The following CLVS1 variants were observed in gnomAD, a reference collection of about 807,000 sequenced individuals.
The protein encoded by CLVS1 is clavesin 1, also known as clavesin-1.
In CLVS1, 10 loss-of-function variants were observed where a neutral mutation model predicts 33.1. The ratio of observed to expected loss-of-function variants is 0.30; its 90% CI spans 0.19 to 0.51. The LOEUF is 0.51. CLVS1 is among the 20% of genes least tolerant of loss of function. The probability of loss-of-function intolerance (pLI) is 0.97; values close to 1 mark genes in which losing one functional copy is unlikely to be tolerated. For synonymous variants in CLVS1, 163 were observed against 166.1 expected (o/e 0.98, Z 0.14); for missense variants, 343 against 433.4 (o/e 0.79, Z 1.85).
intron 2 of CLVS1, among the ~76,000 whole-genome samples, chr8:61,194,161 C>G (rs67925868): frequency 0.17 from 25,114 of 151,836 alleles, 3,221 homozygotes; most frequent in African/African-American, 0.36. Flanking sequence ...GCAAACACCA[C>G]AAATGGATAG....
At chr8:60,995,818 A>T in the CLVS1 span, among the ~76,000 whole-genome samples, 5 of 152,262 alleles carry the variant, frequency 3.3e-5, no homozygotes, top group Non-Finnish European at 5.9e-5. Context: ...GACACCATGG[A>T]ATACTATGAA....
chr8:61,046,407 T>C, the CLVS1 span, among the ~76,000 whole-genome samples: 1 of 146,858 alleles, frequency 6.8e-6, no homozygotes, highest in Non-Finnish European at 1.5e-5. Flanking sequence ...TAGTATAGTT[T>C]GAAGTCAGGT....
the CLVS1 span, among the ~76,000 whole-genome samples, chr8:61,007,728 G>C: frequency 6.6e-6 from 1 of 152,176 alleles, no homozygotes; most frequent in East Asian, 1.9e-4. Context: ...TGCCACTGTG[G>C]ACACAAACCG....
the CLVS1 span, among the ~76,000 whole-genome samples, chr8:61,038,137 C>A: frequency 6.6e-6 from 1 of 152,174 alleles, no homozygotes; most frequent in Non-Finnish European, 1.5e-5. Context: ...GACATTCCTG[C>A]AGCTCAGTCT....
At chr8:61,374,770 AG>A (rs1813575245) in intron 2 of CLVS1, among the ~76,000 whole-genome samples, 1 of 152,210 alleles carries the variant, frequency 6.6e-6, no homozygotes, top group Non-Finnish European at 1.5e-5. Flanking sequence ...GAGATTATGT[AG>A]GGTATCATGA....
intron 2 of CLVS1, among the ~76,000 whole-genome samples, chr8:61,360,215 G>C (rs1279293164): frequency 6.6e-6 from 1 of 152,142 alleles, no homozygotes; most frequent in Non-Finnish European, 1.5e-5. Flanking sequence ...TCTTCCCAGA[G>C]ACCAGGATTT....
chr8:61,161,388 C>T (rs149572632), intron 2 of CLVS1, among the ~76,000 whole-genome samples: 9 of 152,246 alleles, frequency 5.9e-5, no homozygotes, highest in South Asian at 2.1e-4. Flanking sequence ...GCATTATTTA[C>T]GATAGTGACA....
intron 1 of CLVS1, among the ~76,000 whole-genome samples, chr8:61,076,010 A>C (rs1039480479): frequency 3.3e-5 from 5 of 152,244 alleles, no homozygotes; most frequent in Admixed American, 2.0e-4. Context: ...AAAATAATTT[A>C]TCTCTCCCTG....
intron 2 of CLVS1, among the ~76,000 whole-genome samples, chr8:61,315,108 C>T (rs1810966947): frequency 6.6e-6 from 1 of 152,110 alleles, no homozygotes; most frequent in African/African-American, 2.4e-5. Flanking sequence ...GTTTCTCCAA[C>T]CTTGGATTCA....
At chr8:61,123,876 A>C (rs1458867352) in intron 1 of CLVS1, among the ~76,000 whole-genome samples, 1 of 152,204 alleles carries the variant, frequency 6.6e-6, no homozygotes, top group Non-Finnish European at 1.5e-5. Flanking sequence ...GCAGACAAAA[A>C]GAGAGTTGGA....
chr8:61,313,041 C>T (rs924708655), intron 2 of CLVS1, among the ~76,000 whole-genome samples: 3 of 152,184 alleles, frequency 2.0e-5, no homozygotes, highest in African/African-American at 7.2e-5. Flanking sequence ...CCCCACTCTC[C>T]CCTTCTGCTC....
intron 2 of CLVS1, among the ~76,000 whole-genome samples, chr8:61,211,497 C>T (rs991537355): frequency 6.6e-5 from 10 of 151,828 alleles, no homozygotes; most frequent in East Asian, 1.9e-4. Context: ...CCTCTTCCTT[C>T]GGAATGAGAT....
intron 3 of CLVS1, among the ~76,000 whole-genome samples, chr8:61,428,688 C>T (rs1445441555): frequency 1.3e-5 from 2 of 152,200 alleles, no homozygotes; most frequent in African/African-American, 4.8e-5. Flanking sequence ...AGTCAACCCC[C>T]ATTATATGCC....
chr8:61,181,094 C>T (rs559668180), intron 2 of CLVS1, among the ~76,000 whole-genome samples: 13 of 152,322 alleles, frequency 8.5e-5, no homozygotes, highest in African/African-American at 2.6e-4. Flanking sequence ...TCCATAGTCT[C>T]AGCCCAAATA....
intron 2 of CLVS1, among the ~76,000 whole-genome samples, chr8:61,375,724 A>G (rs1488993401): frequency 1.6e-4 from 24 of 152,208 alleles, no homozygotes; most frequent in Admixed American, 1.6e-3. Context: ...CTTGCCATCC[A>G]AGCTCATATT....
upstream of CLVS1, among the ~76,000 whole-genome samples, chr8:61,054,815 T>G (rs547437189): frequency 1.3e-5 from 2 of 152,304 alleles, no homozygotes; most frequent in East Asian, 3.9e-4. Flanking sequence ...CTTCTCACCC[T>G]GCACACCGAT....
intron 5 of CLVS1, among the ~76,000 whole-genome samples, chr8:61,467,316 C>G (rs1409095021): frequency 6.6e-6 from 1 of 152,152 alleles, no homozygotes; most frequent in Non-Finnish European, 1.5e-5. Context: ...TGTTCTCAGA[C>G]GCGTCCTTTC....
the CLVS1 span, among the ~76,000 whole-genome samples, chr8:61,041,065 C>T: frequency 6.6e-6 from 1 of 152,110 alleles, no homozygotes; most frequent in Non-Finnish European, 1.5e-5. Flanking sequence ...AGCCAGCTAT[C>T]TCAGCACTAT....
At chr8:60,978,809 C>CAAAAAAAAAAAAAAAAAAAAAA in the CLVS1 span, among the ~76,000 whole-genome samples, 14 of 22,518 alleles carry the variant, frequency 6.2e-4, no homozygotes, top group Non-Finnish European at 9.5e-4. Flanking sequence ...GACTCCATCT[C>CAAAAAAAAAAAAAAAAAAAAAA]AAAAAAAAAA....
Sources: allele counts gnomAD v4.1 joint callset (sites outside exome capture counted in the v4.1 genomes callset), GRCh38; gene constraint gnomAD v4.1.1; transcripts MANE v1.5; gene names NCBI Gene and HGNC (gene_info 2026-07-23, HGNC 2026-07-21).